The following PARP1 variants were observed in gnomAD, a reference collection of about 807,000 sequenced individuals.
PARP1 encodes the protein poly(ADP-ribose) polymerase 1.
Under a neutral mutation model 118.7 loss-of-function variants are expected in PARP1, and 44 were observed. The observed-to-expected ratio is 0.37, with a 90% confidence interval of 0.29 to 0.48. The LOEUF is 0.48. Ranked by LOEUF, PARP1 falls within the 20% of genes least tolerant of loss-of-function variation. The probability of loss-of-function intolerance (pLI) is 0.99; values close to 1 mark genes in which losing one functional copy is unlikely to be tolerated. For missense variants in PARP1, 1,100 were observed against 1,272.4 expected (o/e 0.86, Z 2.06); for synonymous variants, 492 against 483.2 (o/e 1.02, Z -0.24).
chr1:226,381,983 C>T (rs2102736730), intron 8 of PARP1, among the ~76,000 whole-genome samples: 1 of 152,290 alleles, frequency 6.6e-6, no homozygotes, highest in East Asian at 1.9e-4. Flanking sequence ...GGGAACCCTC[C>T]ATGGAGGGGT....
At chr1:226,366,400 G>C (rs1474372326) in intron 17 of PARP1, 8 of 340,226 alleles carry the variant, frequency 2.4e-5, no homozygotes, top group African/African-American at 6.4e-5. Flanking sequence ...AGAGAGTCCA[G>C]CTCAGCATGA....
chr1:226,386,225 G>T, intron 6 of PARP1, 101 bp downstream of exon 6: 1 of 771,666 alleles, frequency 1.3e-6, no homozygotes. Flanking sequence ...ATACCAGCAG[G>T]TGTTCACACG....
chr1:226,368,719 G>A (rs1664321304), intron 15 of PARP1, among the ~76,000 whole-genome samples: 1 of 152,124 alleles, frequency 6.6e-6, no homozygotes, highest in Non-Finnish European at 1.5e-5. Flanking sequence ...GTTGGGAGGA[G>A]GTTGCCCATC....
In PARP1 at chr1:226,374,212, T is replaced by A. The variant is rs1558235764; in HGVS notation, c.2070+14A>T. 6.2e-7 allele frequency: 1 copy of A among 1,613,412 alleles called. No individual in the cohort carries two copies. The highest frequency in any genetic ancestry group is 1.7e-5 in the Admixed American group (1 of 60,018). On this transcript the variant is annotated intron_variant, in intron 14 of 22. Coordinates refer to ENST00000366794, the MANE Select transcript of PARP1 (RefSeq NM_001618.4). The stretch of plus-strand genomic sequence containing the variant: ...CAGCAAATGCTCACAGATAAAATGA[T>A]AAAGCGCAATAACCTCATACTCCAC...
At chr1:226,376,295 GAAAAAAGACAA>G (rs1576394511) in intron 13 of PARP1, among the ~76,000 whole-genome samples, 1 of 152,208 alleles carries the variant, frequency 6.6e-6, no homozygotes, top group East Asian at 1.9e-4. Context: ...ATTTTGCAAA[GAAAAAAGACAA>G]AACAGAAAAG....
At chr1:226,373,395 TAG>T (rs1368497707) in intron 14 of PARP1, among the ~76,000 whole-genome samples, 1 of 152,124 alleles carries the variant, frequency 6.6e-6, no homozygotes, top group Non-Finnish European at 1.5e-5. Context: ...GCAGCTAGGG[TAG>T]AGAGGAGAGG....
Position 226,381,137 on chromosome 1 carries a change from T to C in PARP1, c.1231A>G (p.Met411Val). 1.9e-6 allele frequency: 3 copies of C among 1,614,188 alleles called. No individual in the cohort carries two copies. Among genetic ancestry groups the C allele is most frequent in the Non-Finnish European group, 2.5e-6 (3 of 1,180,014 alleles). Residue 411 changes from methionine (M) to valine (V), a missense_variant, in exon 9 of 23, where the codon ATG becomes GTG. By Grantham distance (21) the Met-to-Val change is conservative (BLOSUM62 1). Coordinates refer to ENST00000366794, the MANE Select transcript of PARP1 (RefSeq NM_001618.4). ...AACTTCCCCCCGAGTTTCTCAATCA[T>C]GGCCTTCACTTCATCCTTGTTCCGG... ...LSRNKDEVKAMIEKLGGKLTG... is the reference protein window; with the variant it reads ...LSRNKDEVKAVIEKLGGKLTG...
Position 226,370,490 on chromosome 1 carries a change from T to C in PARP1, c.2098A>G (p.Lys700Glu). ...EIDLQKMPLG[K>E]LSKRQIQAAY... ...GCCTGGATCTGCCTTTTGCTCAGCT[T>C]CCCCAAGGGCATCTTCTGAAGGTCG... The change falls in exon 15 of 23, where the codon AAG becomes GAG. Residue 700 changes from lysine (K) to glutamate (E), a missense_variant. By Grantham distance (56) the Lys-to-Glu change is moderately conservative. Around this residue, in one of 2 missense-constraint regions of PARP1, gnomAD observed 948 missense variants for 1,031.8 expected, o/e 0.92. Coordinates refer to ENST00000366794, the MANE Select transcript of PARP1 (RefSeq NM_001618.4). 1 of 1,614,012 alleles carries C rather than the reference T, an allele frequency of 6.2e-7. No individual in the cohort carries two copies. Among genetic ancestry groups the C allele is most frequent in the Non-Finnish European group, 8.5e-7 (1 of 1,179,954 alleles).
intron 5 of PARP1, 55 bp from the exon 6 acceptor site, chr1:226,386,497 A>G (rs1348391652): frequency 2.4e-5 from 27 of 1,126,916 alleles, no homozygotes; most frequent in Admixed American, 6.7e-5. Flanking sequence ...GAAGAATCCA[A>G]CTGGAGGAGG....
At chr1:226,399,054 C>T (rs973871408) in intron 2 of PARP1, among the ~76,000 whole-genome samples, 17 of 148,934 alleles carry the variant, frequency 1.1e-4, no homozygotes, top group African/African-American at 3.4e-4. Context: ...GCTATCAATA[C>T]GACAAGACAT....
chr1:226,385,305 T>C (rs909710422), intron 7 of PARP1, among the ~76,000 whole-genome samples, 199 bp downstream of exon 7: 8 of 152,232 alleles, frequency 5.3e-5, no homozygotes, highest in African/African-American at 1.9e-4. Context: ...CTCTACTCCA[T>C]ACTTAGAGGA....
chr1:226,383,660 C>G (rs1393727817), intron 7 of PARP1, among the ~76,000 whole-genome samples: 1 of 152,182 alleles, frequency 6.6e-6, no homozygotes, highest in East Asian at 1.9e-4. Context: ...ATTTGCTTTC[C>G]TTTTTAGAAG....
At chr1:226,373,092 T>C (rs965734466) in intron 14 of PARP1, among the ~76,000 whole-genome samples, 7 of 152,192 alleles carry the variant, frequency 4.6e-5, no homozygotes, top group Non-Finnish European at 1.0e-4. Context: ...GGCAGGGAGA[T>C]ACGGGGTTGG....
chr1:226,364,959 C>G, intron 19 of PARP1, 43 bp downstream of exon 19: 1 of 1,609,614 alleles, frequency 6.2e-7, no homozygotes, highest in East Asian at 2.2e-5. Context: ...GAGACACCTG[C>G]AGAGACAGGC....
At chr1:226,361,589 T>C (rs1417211741) in intron 22 of PARP1, 48 bp from the exon 23 acceptor site, 1 of 1,315,564 alleles carries the variant, frequency 7.6e-7, no homozygotes, top group East Asian at 2.3e-5. Flanking sequence ...ACAGAGGGTA[T>C]GTACATGTGC....
At chr1:226,373,560 G>C (rs1379299954) in intron 14 of PARP1, among the ~76,000 whole-genome samples, 1 of 152,194 alleles carries the variant, frequency 6.6e-6, no homozygotes, top group Non-Finnish European at 1.5e-5. Flanking sequence ...GAACAGACAG[G>C]AAACACGGAG....
At chr1:226,362,373 A>T in intron 21 of PARP1, 1 of 387,424 alleles carries the variant, frequency 2.6e-6, no homozygotes, top group Non-Finnish European at 4.9e-6. Context: ...TTTAGTAGAG[A>T]CAGGGTTTCA....
intron 1 of PARP1, among the ~76,000 whole-genome samples, chr1:226,405,481 T>G (rs143666659): frequency 6.6e-6 from 1 of 152,024 alleles, no homozygotes; most frequent in African/African-American, 2.4e-5. Context: ...AATCATTGCA[T>G]TTTTTTGTAG....
At chr1:226,407,648 G>A (rs1338045601) in intron 1 of PARP1, among the ~76,000 whole-genome samples, 162 bp downstream of exon 1, 1 of 151,940 alleles carries the variant, frequency 6.6e-6, no homozygotes, top group South Asian at 2.1e-4. Context: ...GGGTCGGCCG[G>A]GCCGCTCGGG....
Sources: gnomAD v4.1 joint callset for allele counts (sites outside exome capture counted in the v4.1 genomes callset) on GRCh38, gnomAD v4.1.1 for gene constraint, gnomAD v4.1.1 regional missense constraint, MANE v1.5 for transcripts, NCBI Gene and HGNC (gene_info 2026-07-23, HGNC 2026-07-21) for gene names.